The following SCN7A variants were observed in gnomAD, a reference collection of about 807,000 sequenced individuals.
SCN7A encodes the protein sodium channel protein type 7 subunit alpha.
Under a neutral mutation model 155.2 loss-of-function variants are expected in SCN7A, and 138 were observed. The observed-to-expected ratio is 0.89, with a 90% confidence interval of 0.77 to 1.02. SCN7A has a LOEUF of 1.02. SCN7A is among the 50% of genes least tolerant of loss of function. SCN7A has a pLI of 0.00. For missense variants in SCN7A, 2,058 were observed against 1,986.6 expected, an observed-to-expected ratio of 1.04 and a Z score of -0.68; for synonymous variants, 693 against 649.0, an observed-to-expected ratio of 1.07 and a Z score of -1.03.
intron 20 of SCN7A, among the ~76,000 whole-genome samples, chr2:166,420,058 ATAAC>A (rs1275127888): frequency 2.0e-4 from 31 of 152,122 alleles, no homozygotes; most frequent in African/African-American, 7.0e-4. Flanking sequence ...ATATACAAAT[ATAAC>A]TAATGTACTT....
intron 16 of SCN7A, among the ~76,000 whole-genome samples, chr2:166,430,176 A>C (rs1421395546): frequency 6.7e-6 from 1 of 148,246 alleles, no homozygotes; most frequent in Non-Finnish European, 1.5e-5. Context: ...GTAGACGGCC[A>C]AAAAACCAGA....
Position 166,432,529 on chromosome 2 carries a change from G to A in SCN7A, c.2381C>T (p.Thr794Ile), listed in dbSNP as rs776097819. The change falls in exon 16 of 26, where the codon ACC becomes ATC. Residue 794 changes from threonine to isoleucine, a missense_variant. Physicochemically the swap from Thr to Ile is moderately conservative, Grantham distance 89 (BLOSUM62 -1). Transcript: ENST00000643258. ...VYVKEDISDH[T>I]LSELSNTQDF... ...TTGGGTGTTGCTCAATTCAGAAAGGGTATGGTCAGAAATATCTTCTTTAAC... is the reference window on the plus strand; with the variant it reads ...TTGGGTGTTGCTCAATTCAGAAAGGATATGGTCAGAAATATCTTCTTTAAC... 6.2e-7 allele frequency: 1 copy of A among 1,613,448 alleles called. No individual in the cohort carries two copies. The highest frequency in any genetic ancestry group is 1.3e-5 in the African/African-American group (1 of 74,876).
chr2:166,437,424 C>T (rs1011044130), intron 15 of SCN7A, among the ~76,000 whole-genome samples: 2 of 152,100 alleles, frequency 1.3e-5, no homozygotes, highest in African/African-American at 4.8e-5. Context: ...GCTACAGGGG[C>T]AGAGCTCTCA....
intron 7 of SCN7A, among the ~76,000 whole-genome samples, chr2:166,468,552 A>G (rs1702586256): frequency 6.6e-6 from 1 of 152,018 alleles, no homozygotes; most frequent in Non-Finnish European, 1.5e-5. Flanking sequence ...GATTTGTAAT[A>G]TTTGCATTCT....
chr2:166,466,607 CAT>C (rs1575053802), intron 7 of SCN7A, among the ~76,000 whole-genome samples: 1 of 151,946 alleles, frequency 6.6e-6, no homozygotes, highest in East Asian at 1.9e-4. Flanking sequence ...ACAAAAATAA[CAT>C]AATCATATCT....
rs377761455 is a variant in SCN7A, at chr2:166,465,814, G to T, written c.838C>A (p.His280Asn). 8 of 1,613,710 alleles carry T rather than the reference G, an allele frequency of 5.0e-6. No homozygotes were observed. The African/African-American group carries it at 8.0e-5, about 16-fold the overall frequency. Residue 280 changes from histidine (H) to asparagine (N), a missense_variant, in exon 8 of 26, where the codon CAC becomes AAC. By Grantham distance (68) the His-to-Asn change is moderately conservative. Transcript: ENST00000643258. ...WPQENENETL[H>N]NRTGNPYYIR... ...TAATATGGGTTTCCAGTTCTGTTGT[G>T]CAGGGTTTCATTTTCATTCTCTTGG... is the stretch of plus-strand genomic sequence containing the variant.
intron 20 of SCN7A, among the ~76,000 whole-genome samples, chr2:166,417,595 AAT>A (rs10552479): frequency 0.69 from 103,455 of 149,076 alleles, 35,748 homozygotes; most frequent in African/African-American, 0.75. Flanking sequence ...TTGCTGGCTT[AAT>A]ATATATATAT....
intron 19 of SCN7A, among the ~76,000 whole-genome samples, chr2:166,422,351 A>G (rs1359155535): frequency 2.0e-5 from 3 of 152,126 alleles, no homozygotes; most frequent in Non-Finnish European, 4.4e-5. Flanking sequence ...AAAACAGACA[A>G]TAACAAAATA....
At chr2:166,424,042 C>G (rs540373065) in intron 18 of SCN7A, among the ~76,000 whole-genome samples, 2 of 151,998 alleles carry the variant, frequency 1.3e-5, no homozygotes, top group Non-Finnish European at 2.9e-5. Context: ...TGAAAACAGG[C>G]AGGCAGGCTT....
chr2:166,428,942 C>T (rs1701676994), intron 17 of SCN7A, among the ~76,000 whole-genome samples: 1 of 151,884 alleles, frequency 6.6e-6, no homozygotes, highest in African/African-American at 2.4e-5. Flanking sequence ...ATGAAGTGTT[C>T]TTAGATCTCA....
At chr2:166,418,576 C>T (rs1384388228) in intron 20 of SCN7A, among the ~76,000 whole-genome samples, 1 of 151,834 alleles carries the variant, frequency 6.6e-6, no homozygotes, top group East Asian at 1.9e-4. Flanking sequence ...GCATACTCTT[C>T]CTTATGTTCC....
chr2:166,414,291 C>CATATATATATATATAT (rs1289665485), intron 21 of SCN7A, among the ~76,000 whole-genome samples: 2 of 42,744 alleles, frequency 4.7e-5, no homozygotes, highest in East Asian at 6.2e-4. Flanking sequence ...TATATACACA[C>CATATATATATATATAT]ACATATATAT....
chr2:166,417,366 G>C (rs550370523), intron 20 of SCN7A, among the ~76,000 whole-genome samples: 1 of 152,100 alleles, frequency 6.6e-6, no homozygotes, highest in African/African-American at 2.4e-5. Context: ...CCAACTACTC[G>C]GGAGGCTGAG....
intron 21 of SCN7A, 139 bp downstream of exon 21, chr2:166,416,568 A>G (rs1701381847): frequency 5.6e-6 from 4 of 719,418 alleles, no homozygotes; most frequent in Non-Finnish European, 9.1e-6. Flanking sequence ...CGATAGTTGT[A>G]TGTCCCATTA....
intron 10 of SCN7A, among the ~76,000 whole-genome samples, chr2:166,459,237 T>C (rs575830515): frequency 6.6e-6 from 1 of 152,270 alleles, no homozygotes; most frequent in African/African-American, 2.4e-5. Context: ...GTCTCCACTA[T>C]ATAATGCTAG....
At chr2:166,411,635 T>A (rs1701204998) in intron 23 of SCN7A, among the ~76,000 whole-genome samples, 1 of 152,074 alleles carries the variant, frequency 6.6e-6, no homozygotes, top group Non-Finnish European at 1.5e-5. Context: ...TTTGCTGTTG[T>A]ACTTCAAACT....
intron 2 of SCN7A, among the ~76,000 whole-genome samples, chr2:166,478,966 T>C (rs1423086191): frequency 6.6e-6 from 1 of 152,110 alleles, no homozygotes; most frequent in African/African-American, 2.4e-5. Context: ...CAAAATTTAC[T>C]CTTCCAATGA....
rs893955460 is a variant in SCN7A, at chr2:166,423,267, C to T, written c.3019G>A (p.Val1007Ile). ...SNGWYRLDFV[V>I]VIVFCLSLIG... ...TTCTTTAAAATACGTACAATAACAA[C>T]CACGAAGTCCAGCCTGTACCAGCCA... The change falls in exon 19 of 26, where the codon GTT (valine) becomes ATT (isoleucine). Residue 1007 changes from valine (V) to isoleucine (I), a missense_variant. Coordinates refer to ENST00000643258, the MANE Select transcript of SCN7A (RefSeq NM_002976.4). 6.2e-6 allele frequency: 10 copies of T among 1,600,964 alleles called. No individual in the cohort carries two copies. The African/African-American group carries it at 9.5e-5, about 15-fold the overall frequency.
chr2:166,483,307 T>A (rs1575068297), intron 2 of SCN7A, among the ~76,000 whole-genome samples: 1 of 152,078 alleles, frequency 6.6e-6, no homozygotes, highest in East Asian at 1.9e-4. Flanking sequence ...CAAGTACCAT[T>A]TTTGAAGAAG....
Sources: gnomAD v4.1 joint callset for allele counts (sites outside exome capture counted in the v4.1 genomes callset) on GRCh38, gnomAD v4.1.1 for gene constraint, MANE v1.5 for transcripts, NCBI Gene and HGNC (gene_info 2026-07-23, HGNC 2026-07-21) for gene names.